Variants in KIAA1217 observed in about 807,000 individuals in gnomAD.
KIAA1217 encodes the protein KIAA1217.
Under a neutral mutation model 163.9 loss-of-function variants are expected in KIAA1217, and 88 were observed. The ratio of observed to expected loss-of-function variants is 0.54; its 90% CI spans 0.45 to 0.64. The LOEUF (loss-of-function observed/expected upper bound fraction) is 0.64, where lower values mean the gene tolerates loss of function less well. Ranked by LOEUF, KIAA1217 falls within the 30% of genes least tolerant of loss-of-function variation. The probability of loss-of-function intolerance (pLI) is 0.00; values close to 1 mark genes in which losing one functional copy is unlikely to be tolerated. For synonymous variants in KIAA1217, 903 were observed against 923.1 expected, an observed-to-expected ratio of 0.98 and a Z score of 0.39; for missense variants, 2,372 against 2,475.0, an observed-to-expected ratio of 0.96 and a Z score of 0.88.
chr10:24,248,565 G>A (rs11013989), intron 2 of KIAA1217, among the ~76,000 whole-genome samples: 1 of 151,272 alleles, frequency 6.6e-6, no homozygotes, highest in East Asian at 2.0e-4. Context: ...CAGCTACTAG[G>A]GGGGCTGAGA....
At chr10:24,420,071 G>T (rs1193481703) in intron 3 of KIAA1217, among the ~76,000 whole-genome samples, 1 of 151,974 alleles carries the variant, frequency 6.6e-6, no homozygotes, top group African/African-American at 2.4e-5. Context: ...TCTCTGCGAT[G>T]GTCAGCTTAA....
At chr10:24,268,070 T>G (rs1463595529) in intron 2 of KIAA1217, among the ~76,000 whole-genome samples, 1 of 152,162 alleles carries the variant, frequency 6.6e-6, no homozygotes, top group African/African-American at 2.4e-5. Flanking sequence ...ACACTAACAG[T>G]AAGCTACGCG....
intron 2 of KIAA1217, among the ~76,000 whole-genome samples, chr10:24,225,122 G>A (rs1382811957): frequency 1.3e-5 from 2 of 152,124 alleles, no homozygotes; most frequent in Middle Eastern, 6.8e-3. Context: ...ACCATGCCTG[G>A]CCCAATCATT....
intron 1 of KIAA1217, among the ~76,000 whole-genome samples, chr10:23,873,062 G>A (rs1431585530): frequency 6.6e-6 from 1 of 152,020 alleles, no homozygotes; most frequent in Non-Finnish European, 1.5e-5. Context: ...TCACTGGCTA[G>A]AGGTTATGTA....
chr10:23,999,225 AG>A (rs1846632686), intron 1 of KIAA1217, among the ~76,000 whole-genome samples: 1 of 152,216 alleles, frequency 6.6e-6, no homozygotes, highest in Non-Finnish European at 1.5e-5. Flanking sequence ...GATTTGAATT[AG>A]GAAGATTCAA....
At chr10:23,898,648 C>A (rs1652887000) in intron 1 of KIAA1217, among the ~76,000 whole-genome samples, 1 of 151,972 alleles carries the variant, frequency 6.6e-6, no homozygotes, top group South Asian at 2.1e-4. Context: ...GTGTACAGTT[C>A]CATATTGTTA....
intron 2 of KIAA1217, among the ~76,000 whole-genome samples, chr10:24,152,420 T>A (rs1564762147): frequency 6.6e-6 from 1 of 152,192 alleles, no homozygotes; most frequent in Admixed American, 6.5e-5. Context: ...AACCTTTCCG[T>A]GTGAATCAGT....
chr10:24,376,751 C>G (rs2052548829), intron 2 of KIAA1217, among the ~76,000 whole-genome samples: 1 of 152,102 alleles, frequency 6.6e-6, no homozygotes, highest in African/African-American at 2.4e-5. Context: ...AATAGAGACC[C>G]TGTCTGACTG....
chr10:24,202,835 C>T (rs2067335704), intron 2 of KIAA1217, among the ~76,000 whole-genome samples: 1 of 152,166 alleles, frequency 6.6e-6, no homozygotes, highest in Non-Finnish European at 1.5e-5. Context: ...GCTCTTACAG[C>T]AATGCCCCCC....
chr10:24,485,505 G>A (rs1232261622), intron 6 of KIAA1217, among the ~76,000 whole-genome samples: 3 of 152,148 alleles, frequency 2.0e-5, no homozygotes, highest in Non-Finnish European at 4.4e-5. Context: ...CCAGCTCAGG[G>A]AGGCCTTTCC....
intron 1 of KIAA1217, among the ~76,000 whole-genome samples, chr10:23,837,171 A>G (rs59183304): frequency 0.071 from 10,838 of 152,142 alleles, 1,310 homozygotes; most frequent in African/African-American, 0.25. Flanking sequence ...TCCTTCCATG[A>G]TGCTACAAAT....
At chr10:24,040,155 C>G (rs1362578405) in intron 2 of KIAA1217, among the ~76,000 whole-genome samples, 1 of 152,202 alleles carries the variant, frequency 6.6e-6, no homozygotes, top group Non-Finnish European at 1.5e-5. Flanking sequence ...TGCCAGGTGC[C>G]ACAGCCCTCG....
rs550554849 is a variant in KIAA1217, at chr10:24,303,268, G to A, written c.355-77601G>A. Reference sequence around the variant, plus strand: ...TGGCCTCAAGCGATCCTCCTGCCTCGATCTCCCTAAGTGCTAGGATTACAG... The same window carrying A: ...TGGCCTCAAGCGATCCTCCTGCCTCAATCTCCCTAAGTGCTAGGATTACAG... On this transcript the variant is annotated intron_variant, in intron 2 of 20. Transcript: ENST00000376454. Among the ~76,000 whole-genome samples the A allele has an allele frequency of 3.8e-3, 585 of 152,028 alleles. 4 individuals are homozygous for A. The highest frequency in any genetic ancestry group is 6.8e-3 in the Middle Eastern group (2 of 294).
chr10:24,095,457 T>G (rs1213163639), intron 2 of KIAA1217, among the ~76,000 whole-genome samples: 1 of 152,202 alleles, frequency 6.6e-6, no homozygotes, highest in Admixed American at 6.5e-5. Context: ...CATCCAATAC[T>G]GTGACACCCC....
chr10:23,938,075 T>C (rs773920797), intron 1 of KIAA1217, among the ~76,000 whole-genome samples: 1 of 152,166 alleles, frequency 6.6e-6, no homozygotes, highest in Non-Finnish European at 1.5e-5. Context: ...AGAAGGCCCC[T>C]CCCATCTTCT....
rs868088759 is a variant in KIAA1217, at chr10:23,987,373, T to C, written c.-320-19852T>C. The stretch of plus-strand genomic sequence containing the variant: ...GCCTGGGCGACACAGCGAGACTCCA[T>C]CTCAAAAAAAAAAAAAAAAGCCACC... On this transcript the variant is annotated intron_variant, in intron 1 of 18. Coordinates refer to the KIAA1217 transcript ENST00000376462. Among the ~76,000 whole-genome samples the C allele has an allele frequency of 6.2e-4, 40 of 64,048 alleles. No individual in the cohort carries two copies. In the South Asian group the frequency reaches 0.024, roughly 39 times the overall value. The allele number at this position is 64,048 out of a possible 152,430, so 42.0% of individuals were successfully genotyped here. A position where few individuals can be genotyped will look rare whatever the true frequency, so the allele number is the denominator to read the frequency against.
intron 2 of KIAA1217, among the ~76,000 whole-genome samples, chr10:24,164,666 G>A (rs1324337551): frequency 6.6e-6 from 1 of 152,120 alleles, no homozygotes; most frequent in Non-Finnish European, 1.5e-5. Context: ...CCTATTTTCT[G>A]TTCCCTTGGA....
Position 24,513,440 on chromosome 10 carries a change from T to G in KIAA1217, c.2177+6T>G. 6.2e-7 allele frequency: 1 copy of G among 1,612,748 alleles called. No individual in the cohort carries two copies. Among genetic ancestry groups the G allele is most frequent in the Non-Finnish European group, 8.5e-7 (1 of 1,178,952 alleles). On this transcript the variant is annotated splice_donor_region_variant and intron_variant, in intron 10 of 20. Transcript: ENST00000376454. ...AAGATCGTCAAGAAGTTGTGGTGAG[T>G]GCCAGTCACTTGCATGTTGAGCTGT...
intron 2 of KIAA1217, among the ~76,000 whole-genome samples, chr10:24,050,149 G>A (rs1431664276): frequency 6.6e-6 from 1 of 152,082 alleles, no homozygotes. Context: ...TTTTTGATGG[G>A]GTTGTTTGTT....
Sources: allele counts gnomAD v4.1 joint callset (sites outside exome capture counted in the v4.1 genomes callset), GRCh38; gene constraint gnomAD v4.1.1; transcripts MANE v1.5; gene names NCBI Gene and HGNC (gene_info 2026-07-23, HGNC 2026-07-21).